The following VWA8 variants were observed in gnomAD, a reference collection of about 807,000 sequenced individuals.
VWA8 encodes the protein von Willebrand factor A domain-containing protein 8.
In VWA8, 221 loss-of-function variants were observed where a neutral mutation model predicts 241.5. The ratio of observed to expected loss-of-function variants is 0.91; its 90% CI spans 0.82 to 1.02. The LOEUF (loss-of-function observed/expected upper bound fraction) is 1.02. VWA8 is among the 50% of genes least tolerant of loss of function. VWA8 has a pLI of 0.00. For missense variants in VWA8, 2,322 were observed against 2,328.7 expected (o/e 1.00, Z 0.06); for synonymous variants, 852 against 827.1 (o/e 1.03, Z -0.52).
At position 41,960,678 on chromosome 13, in the gene VWA8, C is replaced by G. The variant is rs191488081; in HGVS notation, c.163+175G>C. Reference sequence around the variant, plus strand: ...AGAGAGGGCGAGCGCCTTGCCCCCACGTTACACAGCAGTTAGCGCCGAGGT... The same window carrying G: ...AGAGAGGGCGAGCGCCTTGCCCCCAGGTTACACAGCAGTTAGCGCCGAGGT... On this transcript the variant is annotated intron_variant, in intron 1 of 44. Transcript: ENST00000379310. 2.6e-5 allele frequency among the ~76,000 whole-genome samples: 4 copies of G among 152,334 alleles called. No homozygotes were observed. The East Asian group carries it at 7.7e-4, about 29-fold the overall frequency.
At chr13:41,589,106 C>G (rs2044438213) in intron 41 of VWA8, among the ~76,000 whole-genome samples, 1 of 152,144 alleles carries the variant, frequency 6.6e-6, no homozygotes, top group Non-Finnish European at 1.5e-5. Flanking sequence ...CTACCAGTCA[C>G]TGCACCCCCA....
intron 26 of VWA8, among the ~76,000 whole-genome samples, chr13:41,707,157 AAC>A (rs1430664300): frequency 6.6e-6 from 1 of 152,194 alleles, no homozygotes; most frequent in Non-Finnish European, 1.5e-5. Context: ...TTTTTTAAAA[AAC>A]ACACATACAA....
intron 21 of VWA8, among the ~76,000 whole-genome samples, chr13:41,742,480 T>C (rs140847437): frequency 1.3e-5 from 2 of 152,250 alleles, no homozygotes; most frequent in East Asian, 1.9e-4. Flanking sequence ...GCTCTAAACT[T>C]AACCATCAAC....
chr13:41,637,477 T>G (rs2044766619), intron 37 of VWA8, among the ~76,000 whole-genome samples: 2 of 150,102 alleles, frequency 1.3e-5, no homozygotes, highest in Non-Finnish European at 1.5e-5. Flanking sequence ...GACGAGTTAA[T>G]GGGTGCAGCA....
At chr13:41,953,882 A>G (rs1878245432) in intron 1 of VWA8, among the ~76,000 whole-genome samples, 1 of 152,208 alleles carries the variant, frequency 6.6e-6, no homozygotes, top group Non-Finnish European at 1.5e-5. Context: ...GTGGAATTAA[A>G]CTGGAAATCA....
At chr13:41,774,785 A>C (rs748548781) in intron 20 of VWA8, among the ~76,000 whole-genome samples, 2 of 152,210 alleles carry the variant, frequency 1.3e-5, no homozygotes, top group Non-Finnish European at 2.9e-5. Context: ...AAAGGCCCTA[A>C]TTAGAAGGAA....
intron 2 of VWA8, among the ~76,000 whole-genome samples, chr13:41,945,944 T>A (rs1252652573): frequency 6.6e-6 from 1 of 151,936 alleles, no homozygotes; most frequent in Non-Finnish European, 1.5e-5. Flanking sequence ...ACAAGGTAAA[T>A]TCAAAGAAAT....
chr13:41,911,476 TG>T (rs1875996261), intron 3 of VWA8, among the ~76,000 whole-genome samples: 1 of 152,168 alleles, frequency 6.6e-6, no homozygotes, highest in Non-Finnish European at 1.5e-5. Flanking sequence ...AGGGGAAACA[TG>T]GGATTTCAAC....
At chr13:41,642,009 C>T (rs1046421411) in intron 37 of VWA8, among the ~76,000 whole-genome samples, 1 of 152,136 alleles carries the variant, frequency 6.6e-6, no homozygotes, top group African/African-American at 2.4e-5. Context: ...CTGGTTAATG[C>T]CTGTTGTCTC....
chr13:41,798,898 A>C (rs1423021491), intron 17 of VWA8, among the ~76,000 whole-genome samples: 1 of 152,158 alleles, frequency 6.6e-6, no homozygotes, highest in South Asian at 2.1e-4. Context: ...TCAATAGTCT[A>C]ATTTACTAAT....
chr13:41,901,481 A>G (rs1343634754), intron 4 of VWA8, among the ~76,000 whole-genome samples: 1 of 152,146 alleles, frequency 6.6e-6, no homozygotes, highest in Non-Finnish European at 1.5e-5. Flanking sequence ...AATACGAAGC[A>G]CCTAGCACAA....
At chr13:41,727,004 C>A (rs2045441098) in intron 24 of VWA8, among the ~76,000 whole-genome samples, 190 bp downstream of exon 24, 1 of 151,820 alleles carries the variant, frequency 6.6e-6, no homozygotes, top group Non-Finnish European at 1.5e-5. Flanking sequence ...CGGAAAAAAA[C>A]AAAACAAAAC....
chr13:41,643,114 C>G (rs973163300), intron 37 of VWA8, among the ~76,000 whole-genome samples: 1 of 152,184 alleles, frequency 6.6e-6, no homozygotes, highest in Non-Finnish European at 1.5e-5. Context: ...GCCCCAAATG[C>G]TGCTCAGCCT....
rs772223346 is a variant in VWA8, at chr13:41,784,737, C to CATATAT, written c.2171-842_2171-837dup. ...ATATATATATATATATATACACACA[C>CATATAT]ATATATATATATATATATATATATA... On this transcript the variant is annotated intron_variant, in intron 18 of 44. Coordinates refer to ENST00000379310, the MANE Select transcript of VWA8 (RefSeq NM_015058.2). 8.7e-3 allele frequency among the ~76,000 whole-genome samples: 633 copies of CATATAT among 72,476 alleles called. 16 individuals are homozygous for CATATAT. The highest frequency in any genetic ancestry group is 0.025 in the South Asian group (43 of 1,750). 47.5% of individuals were successfully genotyped at this position (72,476 alleles called of 152,430 possible).
At position 41,684,418 on chromosome 13, in the gene VWA8, T is replaced by G. The variant is rs142599292; in HGVS notation, c.4327+629A>C. The stretch of plus-strand genomic sequence containing the variant: ...TCTGTTATGATGAATGCCAGTGTGG[T>G]TCAATAAGAATAGATCTAAACTTGG... On this transcript the variant is annotated intron_variant, in intron 35 of 44. Transcript: ENST00000379310. Among the ~76,000 whole-genome samples, 136 of 152,166 alleles carry G rather than the reference T, an allele frequency of 8.9e-4. 4 individuals are homozygous for G. Among genetic ancestry groups the G allele is most frequent in the African/African-American group, 3.1e-3 (130 of 41,522 alleles).
chr13:41,702,743 A>C (rs1026945566), intron 27 of VWA8, among the ~76,000 whole-genome samples: 2 of 152,348 alleles, frequency 1.3e-5, no homozygotes, highest in Middle Eastern at 3.4e-3. Context: ...GTTTGCTGAC[A>C]CTGCTCTACT....
intron 17 of VWA8, among the ~76,000 whole-genome samples, chr13:41,797,638 G>A (rs1869764903): frequency 6.6e-6 from 1 of 152,066 alleles, no homozygotes; most frequent in South Asian, 2.1e-4. Flanking sequence ...AAATGGCTAA[G>A]GAGTATTAAA....
chr13:41,587,619 A>C lies in VWA8; in HGVS notation c.5164T>G (p.Ser1722Ala). Reference sequence around the variant, plus strand: ...CTGTTGAAACGGTACATGCTACCAGACACATCTACCACCAGGCGCAGACGC... The same window carrying C: ...CTGTTGAAACGGTACATGCTACCAGCCACATCTACCACCAGGCGCAGACGC... ...PKRLRLVVDVSGSMYRFNRMD... is the reference protein window; with the variant it reads ...PKRLRLVVDVAGSMYRFNRMD... The change falls in exon 42 of 45, where the codon TCT becomes GCT. Residue 1722 changes from serine (S) to alanine (A), a missense_variant. Physicochemically the swap from Ser to Ala is moderately conservative, Grantham distance 99 (BLOSUM62 1). Transcript: ENST00000379310. The C allele has an allele frequency of 6.2e-7, 1 of 1,614,234 alleles. No individual in the cohort carries two copies. Among genetic ancestry groups the C allele is most frequent in the Non-Finnish European group, 8.5e-7 (1 of 1,180,040 alleles).
At chr13:41,794,698 C>T (rs1869609685) in intron 17 of VWA8, among the ~76,000 whole-genome samples, 1 of 152,156 alleles carries the variant, frequency 6.6e-6, no homozygotes, top group African/African-American at 2.4e-5. Context: ...AAGAGGACAT[C>T]CTTGTCTTGT....
Sources: allele counts gnomAD v4.1 joint callset (sites outside exome capture counted in the v4.1 genomes callset), GRCh38; gene constraint gnomAD v4.1.1; transcripts MANE v1.5; gene names NCBI Gene and HGNC (gene_info 2026-07-23, HGNC 2026-07-21).